SPNS1: variants seen among roughly 807,000 people sequenced by gnomAD.
The protein encoded by SPNS1 is SPNS lysolipid transporter 1, lysophospholipid.
Under a neutral mutation model 50.3 loss-of-function variants are expected in SPNS1, and 22 were observed. That is an observed-to-expected ratio of 0.44 (90% CI 0.31 to 0.62). The LOEUF (loss-of-function observed/expected upper bound fraction) is 0.62. Among genes scored for constraint, SPNS1 ranks in the 20% least tolerant of loss-of-function variants. SPNS1 has a pLI of 0.07. For missense variants in SPNS1, 576 were observed against 728.6 expected (o/e 0.79, Z 2.41); for synonymous variants, 295 against 317.4 (o/e 0.93, Z 0.75).
Position 28,975,029 on chromosome 16 carries a change from C to T in SPNS1, c.-123C>T. On this transcript the variant is annotated 5_prime_UTR_variant, in exon 1 of 12. Transcript: ENST00000311008. ...GGTGCTCTGTGCTTCAGGGCAAGCTCCCCGTCTCCGGGCGCACTTCCCTCG... is the reference window on the plus strand; with the variant it reads ...GGTGCTCTGTGCTTCAGGGCAAGCTTCCCGTCTCCGGGCGCACTTCCCTCG... 1.4e-6 allele frequency: 2 copies of T among 1,432,560 alleles called. No individual in the cohort carries two copies. The highest frequency in any genetic ancestry group is 2.5e-5 in the East Asian group (1 of 39,270). The allele number at this position is 1,432,560 out of a possible 1,614,324, so 88.7% of individuals were successfully genotyped here.
Position 28,974,785 on chromosome 16 carries a change from C to T in SPNS1, c.-367C>T, listed in dbSNP as rs1426755804. On this transcript the variant is annotated 5_prime_UTR_variant, in exon 1 of 12. Transcript: ENST00000311008. Reference sequence around the variant, plus strand: ...CACCCTGGCTCCCGCGTCACATGACCGGCTTTAAGCAACATGGCGGCTGCC... The same window carrying T: ...CACCCTGGCTCCCGCGTCACATGACTGGCTTTAAGCAACATGGCGGCTGCC... 37 of 1,535,176 alleles carry T rather than the reference C, an allele frequency of 2.4e-5. No homozygotes were observed. The highest frequency in any genetic ancestry group is 4.1e-5 in the African/African-American group (3 of 72,984).
chr16:28,975,964 A>G (rs1170437537), intron 2 of SPNS1, among the ~76,000 whole-genome samples: 1 of 152,232 alleles, frequency 6.6e-6, no homozygotes, highest in Non-Finnish European at 1.5e-5. Context: ...GGCACATGGT[A>G]GACACCCAGT....
At position 28,974,944 on chromosome 16, in the gene SPNS1, C is replaced by T; in HGVS notation, c.-208C>T. The stretch of plus-strand genomic sequence containing the variant: ...ACATCACGTGTATTCCGCACGTCCC[C>T]TCCGCGCTGTGTGTCTACTGAGACG... On this transcript the variant is annotated 5_prime_UTR_variant, in exon 1 of 12. Transcript: ENST00000311008. 1.3e-6 allele frequency: 2 copies of T among 1,492,550 alleles called. No individual in the cohort carries two copies. The highest frequency in any genetic ancestry group is 2.5e-5 in the East Asian group (1 of 40,154). 92.5% of individuals were successfully genotyped at this position (1,492,550 alleles called of 1,614,324 possible).
At chr16:28,982,581 G>T (rs752403692) in intron 8 of SPNS1, 36 bp downstream of exon 8, 1 of 1,562,164 alleles carries the variant, frequency 6.4e-7, no homozygotes, top group Non-Finnish European at 8.7e-7. Flanking sequence ...GGATGGCGTG[G>T]GTCCAGGGTG....
chr16:28,978,752 T>G, intron 3 of SPNS1: 1 of 187,414 alleles, frequency 5.3e-6, no homozygotes. Flanking sequence ...TTTCCTTGGG[T>G]GACTGTACCC....
Position 28,983,758 on chromosome 16 carries a change from C to G in SPNS1, c.1321-28C>G, listed in dbSNP as rs780470001. On this transcript the variant is annotated intron_variant, in intron 10 of 11. Coordinates refer to ENST00000311008, the MANE Select transcript of SPNS1 (RefSeq NM_032038.3). This position sits in a 1 kb window ranked among gnomAD's most constrained non-coding sequence, Gnocchi z 5.4. ...TGGTTCATCCATGAGGCTGACTCCC[C>G]TGGCTTTCCTGTCTCCTCTCCCTGC... 55 of 1,549,384 alleles carry G rather than the reference C, an allele frequency of 3.5e-5. No individual in the cohort carries two copies. The highest frequency in any genetic ancestry group is 4.7e-5 in the Non-Finnish European group (54 of 1,148,692).
chr16:28,982,086 T>C, intron 7 of SPNS1, 30 bp downstream of exon 7: 2 of 1,606,406 alleles, frequency 1.2e-6, no homozygotes, highest in Non-Finnish European at 1.7e-6. Flanking sequence ...CTGGGGGGCC[T>C]GCGGGTGGCA....
intron 11 of SPNS1, 101 bp from the exon 12 acceptor site, chr16:28,984,104 C>T (rs1268844820): frequency 7.0e-7 from 1 of 1,432,288 alleles, no homozygotes; most frequent in African/African-American, 1.4e-5. Flanking sequence ...CCTGGGGTGG[C>T]TCTGTGGCTG....
At chr16:28,977,247 G>A (rs1010671919) in intron 2 of SPNS1, among the ~76,000 whole-genome samples, 5 of 151,442 alleles carry the variant, frequency 3.3e-5, no homozygotes, top group Admixed American at 2.6e-4. Flanking sequence ...CCTGGGAGGC[G>A]GAGGTTGCAG....
At position 28,981,860 on chromosome 16, in the gene SPNS1, C is replaced by T. The variant is rs756926221; in HGVS notation, c.810-41C>T. 8.7e-6 allele frequency: 14 copies of T among 1,609,776 alleles called. No individual in the cohort carries two copies. In the East Asian group the frequency reaches 2.9e-4, roughly 33 times the overall value. On this transcript the variant is annotated intron_variant, in intron 6 of 11. Transcript: ENST00000311008. This position sits in a 1 kb window ranked among gnomAD's most constrained non-coding sequence, Gnocchi z 4.2. ...AGAGAGGTCCCCTCCTGCCTCGACA[C>T]CTCCGTGGGGTCTTACTCTCTCCCT...
At position 28,984,314 on chromosome 16, in the gene SPNS1, C is replaced by T; in HGVS notation, c.*15C>T. On this transcript the variant is annotated 3_prime_UTR_variant, in exon 12 of 12. Coordinates refer to ENST00000311008, the MANE Select transcript of SPNS1 (RefSeq NM_032038.3). ...TGCTCATCTGAGAGGCTGCCGCTCA[C>T]CTACCTGCACATCTGCCACAGCTGG... 1 of 1,609,498 alleles carries T rather than the reference C, an allele frequency of 6.2e-7. No individual in the cohort carries two copies. Among genetic ancestry groups the T allele is most frequent in the Non-Finnish European group, 8.5e-7 (1 of 1,178,892 alleles).
In SPNS1 at chr16:28,977,902, C is replaced by G. The variant is rs764095000; in HGVS notation, c.308-6C>G. 3.1e-6 allele frequency: 5 copies of G among 1,613,370 alleles called. No homozygotes were observed. In the Admixed American group the frequency reaches 8.3e-5, roughly 27 times the overall value. On this transcript the variant is annotated splice_region_variant and splice_polypyrimidine_tract_variant and intron_variant, in intron 2 of 11. Coordinates refer to ENST00000311008, the MANE Select transcript of SPNS1 (RefSeq NM_032038.3). ...GGCTGAGCTGTGACTCTCTGCTTCC[C>G]CCTAGTGTTCATCTCCAGTTACATG...
chr16:28,975,469 A>AC, intron 1 of SPNS1, 23 bp from the exon 2 acceptor site: 1 of 1,614,208 alleles, frequency 6.2e-7, no homozygotes, highest in East Asian at 2.2e-5. Context: ...GCTTTGCCGG[A>AC]CCATCCTGAA....
At chr16:28,978,159 T>G (rs1274519043) in intron 3 of SPNS1, 115 bp downstream of exon 3, 2 of 1,417,252 alleles carry the variant, frequency 1.4e-6, no homozygotes, top group African/African-American at 2.9e-5. Flanking sequence ...GTTTCCCTGG[T>G]CCATGCCATT....
At chr16:28,984,095 CT>C in intron 11 of SPNS1, 109 bp from the exon 12 acceptor site, 1 of 1,441,194 alleles carries the variant, frequency 6.9e-7, no homozygotes, top group Non-Finnish European at 9.4e-7. Context: ...GCATCCACCC[CT>C]GGGGTGGCTC....
At position 28,984,492 on chromosome 16, in the gene SPNS1, G is replaced by A; in HGVS notation, c.*193G>A. 1 of 698,178 alleles carries A rather than the reference G, an allele frequency of 1.4e-6. No individual in the cohort carries two copies. Among genetic ancestry groups the A allele is most frequent in the Non-Finnish European group, 2.6e-6 (1 of 387,914 alleles). 43.2% of individuals were successfully genotyped at this position (698,178 alleles called of 1,614,324 possible). ...AGGAGGGGGATCCCTCTCCACAGGG[G>A]CAGCCCCAAGGGCTCGGTGCTATTT... On this transcript the variant is annotated 3_prime_UTR_variant, in exon 12 of 12. Coordinates refer to ENST00000311008, the MANE Select transcript of SPNS1 (RefSeq NM_032038.3).
At position 28,982,247 on chromosome 16, in the gene SPNS1, G is replaced by A. The variant is rs185857212; in HGVS notation, c.966-109G>A. ...TGCCACTCAGGGCTGTGCCAACCAT[G>A]GGGTGCTGTGTCTGTAGGGACCTTG... On this transcript the variant is annotated intron_variant, in intron 7 of 11. Transcript: ENST00000311008. The A allele has an allele frequency of 1.7e-3, 2,319 of 1,382,322 alleles. 7 individuals are homozygous for A. Among genetic ancestry groups the A allele is most frequent in the Admixed American group, 2.4e-3 (114 of 47,898 alleles). The allele number at this position is 1,382,322 out of a possible 1,614,324, so 85.6% of individuals were successfully genotyped here. A position where few individuals can be genotyped will look rare whatever the true frequency, so the allele number is the denominator to read the frequency against.
chr16:28,983,155 C>G lies in SPNS1; in HGVS notation c.1222-37C>G. The G allele has an allele frequency of 6.6e-7, 1 of 1,509,770 alleles. No homozygotes were observed. Among genetic ancestry groups the G allele is most frequent in the East Asian group, 2.3e-5 (1 of 44,210 alleles). The allele number at this position is 1,509,770 out of a possible 1,614,324, so 93.5% of individuals were successfully genotyped here. On this transcript the variant is annotated intron_variant, in intron 9 of 11. Coordinates refer to ENST00000311008, the MANE Select transcript of SPNS1 (RefSeq NM_032038.3). The surrounding 1 kb of genome is among the most constrained non-coding windows in gnomAD (Gnocchi z 5.4). ...CCCCCTGCCTCCTGCCCCCTGGAGC[C>G]CAGAGCATCCACTGAGCTCCACCAA...
rs1008114546 is a variant in SPNS1 at position 28,975,044 on chromosome 16, C to T, written c.-108C>T. ...AGGGCAAGCTCCCCGTCTCCGGGCGCACTTCCCTCGCCTGTGTTCGGTCCA... is the reference window on the plus strand; with the variant it reads ...AGGGCAAGCTCCCCGTCTCCGGGCGTACTTCCCTCGCCTGTGTTCGGTCCA... On this transcript the variant is annotated 5_prime_UTR_variant, in exon 1 of 12. Coordinates refer to ENST00000311008, the MANE Select transcript of SPNS1 (RefSeq NM_032038.3). 2.8e-6 allele frequency: 4 copies of T among 1,432,168 alleles called. No homozygotes were observed. The Admixed American group carries it at 1.1e-4, about 41-fold the overall frequency. 88.7% of individuals were successfully genotyped at this position (1,432,168 alleles called of 1,614,324 possible). A position where few individuals can be genotyped will look rare whatever the true frequency, so the allele number is the denominator to read the frequency against.
Sources: allele counts gnomAD v4.1 joint callset (sites outside exome capture counted in the v4.1 genomes callset), GRCh38; gene constraint gnomAD v4.1.1; non-coding constraint Gnocchi (gnomAD v3.1); transcripts MANE v1.5; gene names NCBI Gene and HGNC (gene_info 2026-07-23, HGNC 2026-07-21).